The following IL18R1 variants were observed in gnomAD, a reference collection of about 807,000 sequenced individuals.
IL18R1 encodes interleukin 18 receptor 1.
A neutral mutation model predicts 48.5 loss-of-function variants in IL18R1; 40 were observed. The observed-to-expected ratio is 0.82, with a 90% CI of 0.64 to 1.07. The LOEUF (loss-of-function observed/expected upper bound fraction) is 1.07. IL18R1 is among the 50% of genes least tolerant of loss of function. The probability of loss-of-function intolerance (pLI) is 0.00; values close to 1 mark genes in which losing one functional copy is unlikely to be tolerated. For missense variants in IL18R1, 596 were observed against 633.7 expected, an observed-to-expected ratio of 0.94 and a Z score of 0.64; for synonymous variants, 232 against 225.9, an observed-to-expected ratio of 1.03 and a Z score of -0.24.
At chr2:102,381,783 AT>A in intron 6 of IL18R1, 101 bp downstream of exon 6, 1 of 771,172 alleles carries the variant, frequency 1.3e-6, no homozygotes, top group South Asian at 1.6e-5. Flanking sequence ...CTGGATACAC[AT>A]TTCATATTTA....
chr2:102,381,638 C>A lies in IL18R1; in HGVS notation c.644C>A (p.Pro215Gln), dbSNP rs773036985. ...TIVEDRSNIV[P>Q]VLLGPKLNHV... is the part of the protein sequence containing the mutation. The stretch of plus-strand genomic sequence containing the variant: ...CTTCTAGATCGCAGTAATATAGTTC[C>A]GGTTCTTCTTGGACCAAAGCTTAAC... Residue 215 changes from proline (P) to glutamine (Q), a missense_variant, in exon 6 of 11, where the codon CCG becomes CAG. This residue lies in a region of IL18R1 where 360 missense variants were observed against 339.4 expected (regional missense o/e 1.06). Coordinates refer to ENST00000233957, the MANE Select transcript of IL18R1 (RefSeq NM_003855.5). The A allele has an allele frequency of 6.2e-7, 1 of 1,612,954 alleles. No individual in the cohort carries two copies.
intron 5 of IL18R1, among the ~76,000 whole-genome samples, chr2:102,380,659 C>G (rs1679867566): frequency 6.6e-6 from 1 of 152,172 alleles, no homozygotes; most frequent in Admixed American, 6.5e-5. Context: ...TTCTCAACTG[C>G]TCACTCTGGC....
At chr2:102,367,282 C>A (rs1348095629) in intron 2 of IL18R1, among the ~76,000 whole-genome samples, 1 of 152,154 alleles carries the variant, frequency 6.6e-6, no homozygotes, top group East Asian at 1.9e-4. Context: ...AATGTACACA[C>A]ACTGTAAGTT....
chr2:102,386,383 T>C (rs1013341260), intron 7 of IL18R1, among the ~76,000 whole-genome samples: 2 of 152,236 alleles, frequency 1.3e-5, no homozygotes, highest in Non-Finnish European at 2.9e-5. Context: ...CTCGGGGTGC[T>C]TGAGAACAGT....
At position 102,396,850 on chromosome 2, in the gene IL18R1, C is replaced by T. The variant is rs773792733; in HGVS notation, c.1590C>T (p.Asp530=). The T allele has an allele frequency of 1.2e-5, 20 of 1,603,178 alleles. No homozygotes were observed. The highest frequency in any genetic ancestry group is 1.7e-5 in the Non-Finnish European group (20 of 1,176,752). The change falls in exon 11 of 11, where the codon GAC becomes GAT. Residue 530 remains aspartate (D), a synonymous_variant. Coordinates refer to ENST00000233957, the MANE Select transcript of IL18R1 (RefSeq NM_003855.5). ...MPAKTVKPGR[D]EPEVLPVLSE... Reference sequence around the variant, plus strand: ...CAAAAACAGTCAAGCCAGGTAGAGACGAACCGGAAGTCTTGCCTGTTCTTT... The same window carrying T: ...CAAAAACAGTCAAGCCAGGTAGAGATGAACCGGAAGTCTTGCCTGTTCTTT...
At chr2:102,395,335 C>T (rs1680763118) in intron 10 of IL18R1, among the ~76,000 whole-genome samples, 1 of 150,598 alleles carries the variant, frequency 6.6e-6, no homozygotes, top group Non-Finnish European at 1.5e-5. Flanking sequence ...ATTCTGGATA[C>T]TGATGCTTAA....
intron 3 of IL18R1, among the ~76,000 whole-genome samples, chr2:102,371,490 G>T (rs1679257116): frequency 6.6e-6 from 1 of 152,232 alleles, no homozygotes; most frequent in Non-Finnish European, 1.5e-5. Flanking sequence ...GGGATTGGAA[G>T]AAGTTGCCTT....
chr2:102,358,689 C>G (rs1015747457), intron 1 of IL18R1, among the ~76,000 whole-genome samples: 4 of 152,290 alleles, frequency 2.6e-5, no homozygotes, highest in African/African-American at 7.2e-5. Flanking sequence ...AGTCTGTCCT[C>G]CAGACCACTG....
chr2:102,371,004 A>G (rs1331971514), intron 3 of IL18R1, among the ~76,000 whole-genome samples: 1 of 151,712 alleles, frequency 6.6e-6, no homozygotes, highest in Non-Finnish European at 1.5e-5. Context: ...TAAAATCTTC[A>G]TTTAAAAAAT....
chr2:102,383,623 T>C (rs1680042537), intron 6 of IL18R1, among the ~76,000 whole-genome samples: 1 of 152,174 alleles, frequency 6.6e-6, no homozygotes, highest in Non-Finnish European at 1.5e-5. Context: ...GGCATATTTG[T>C]CTTTTTTTAA....
At chr2:102,395,989 A>G (rs1680806039) in intron 10 of IL18R1, among the ~76,000 whole-genome samples, 1 of 152,240 alleles carries the variant, frequency 6.6e-6, no homozygotes, top group East Asian at 1.9e-4. Context: ...GGCCCTTTGC[A>G]GAAAAAGTTT....
chr2:102,370,014 G>A (rs1276966908), intron 3 of IL18R1, among the ~76,000 whole-genome samples: 1 of 152,232 alleles, frequency 6.6e-6, no homozygotes, highest in Non-Finnish European at 1.5e-5. Flanking sequence ...GTTCAGCTTG[G>A]TGAGCAGCCT....
chr2:102,396,780 C>T lies in IL18R1; in HGVS notation c.1520C>T (p.Ser507Phe). The part of the protein sequence containing the change: ...VLKWKADKSL[S>F]YNSRFWKNLL... Reference sequence around the variant, plus strand: ...AAGTGGAAGGCCGATAAATCTCTTTCTTATAACTCAAGGTTCTGGAAGAAC... The same window carrying T: ...AAGTGGAAGGCCGATAAATCTCTTTTTTATAACTCAAGGTTCTGGAAGAAC... Residue 507 changes from serine (S) to phenylalanine (F), a missense_variant, in exon 11 of 11, where the codon TCT becomes TTT. Physicochemically the swap from Ser to Phe is radical, Grantham distance 155 (BLOSUM62 -2). Around this residue, in one of 3 missense-constraint regions of IL18R1, gnomAD observed 179 missense variants for 206.1 expected, o/e 0.87. Transcript: ENST00000233957. The T allele has an allele frequency of 1.2e-6, 2 of 1,614,096 alleles. No individual in the cohort carries two copies. Among genetic ancestry groups the T allele is most frequent in the Non-Finnish European group, 1.7e-6 (2 of 1,179,932 alleles).
At position 102,381,649 on chromosome 2, in the gene IL18R1, G is replaced by A; in HGVS notation, c.655G>A (p.Gly219Arg). The change falls in exon 6 of 11, where the codon GGA (glycine) becomes AGA (arginine). Residue 219 changes from glycine (G) to arginine (R), a missense_variant. By Grantham distance (125) the Gly-to-Arg change is moderately radical. Transcript: ENST00000233957. ...CAGTAATATAGTTCCGGTTCTTCTT[G>A]GACCAAAGCTTAACCATGTTGCAGT... is the stretch of plus-strand genomic sequence containing the variant. ...DRSNIVPVLL[G>R]PKLNHVAVEL... The A allele has an allele frequency of 6.2e-7, 1 of 1,612,950 alleles. No individual in the cohort carries two copies.
chr2:102,394,875 G>T (rs996198686), intron 10 of IL18R1, among the ~76,000 whole-genome samples: 2 of 152,146 alleles, frequency 1.3e-5, no homozygotes, highest in African/African-American at 2.4e-5. Flanking sequence ...AAGGGAGAGG[G>T]CATTTCCTTT....
intron 4 of IL18R1, among the ~76,000 whole-genome samples, chr2:102,374,548 G>A (rs542140480): frequency 5.8e-4 from 89 of 152,228 alleles, no homozygotes; most frequent in African/African-American, 1.9e-3. Context: ...TGAGGCTGAG[G>A]TGGGCGGATT....
intron 6 of IL18R1, among the ~76,000 whole-genome samples, chr2:102,382,813 T>C (rs990031783): frequency 6.6e-6 from 1 of 152,152 alleles, no homozygotes; most frequent in Non-Finnish European, 1.5e-5. Context: ...TTTATATTTT[T>C]ATTTATTTCT....
At chr2:102,370,225 T>C (rs1679172832) in intron 3 of IL18R1, among the ~76,000 whole-genome samples, 2 of 152,210 alleles carry the variant, frequency 1.3e-5, no homozygotes, top group African/African-American at 2.4e-5. Context: ...CAGAGCAGTG[T>C]CCTGCACATG....
At position 102,396,638 on chromosome 2, in the gene IL18R1, C is replaced by T; in HGVS notation, c.1378C>T (p.Leu460Phe). The change falls in exon 11 of 11, where the codon CTC becomes TTC. Residue 460 changes from leucine to phenylalanine, a missense_variant. Leu to Phe is a conservative substitution (Grantham distance 22, BLOSUM62 0). Transcript: ENST00000233957. ...GGTCAGGTATGAACTTGAAAGTGGACTCCATGAAGCATTGGTGGAAAGAAA... is the reference window on the plus strand; with the variant it reads ...GGTCAGGTATGAACTTGAAAGTGGATTCCATGAAGCATTGGTGGAAAGAAA... ...NEVRYELESG[L>F]HEALVERKIK... is the part of the protein sequence containing the mutation. 6.2e-7 allele frequency: 1 copy of T among 1,612,502 alleles called. No homozygotes were observed. Among genetic ancestry groups the T allele is most frequent in the Non-Finnish European group, 8.5e-7 (1 of 1,178,582 alleles).
Sources: gnomAD v4.1 joint callset for allele counts (sites outside exome capture counted in the v4.1 genomes callset) on GRCh38, gnomAD v4.1.1 for gene constraint, gnomAD v4.1.1 regional missense constraint, MANE v1.5 for transcripts, NCBI Gene and HGNC (gene_info 2026-07-23, HGNC 2026-07-21) for gene names.